DCLK1: variants seen among roughly 807,000 people sequenced by gnomAD.
DCLK1 encodes the protein doublecortin like kinase 1, also known as serine/threonine-protein kinase DCLK1.
DCLK1 carries 16 observed loss-of-function variants against 86.2 expected under a neutral mutation model. The observed-to-expected ratio is 0.19, with a 90% CI of 0.13 to 0.28. The LOEUF (loss-of-function observed/expected upper bound fraction) is 0.28, where lower values mean the gene tolerates loss of function less well. DCLK1 is among the 10% of genes least tolerant of loss of function. The probability of loss-of-function intolerance (pLI) is 1.00; values close to 1 mark genes in which losing one functional copy is unlikely to be tolerated. For missense variants in DCLK1, 590 were observed against 940.2 expected (o/e 0.63, Z 4.87); for synonymous variants, 369 against 370.5 (o/e 1.00, Z 0.05).
chr13:35,887,126 C>T (rs1051542893), intron 4 of DCLK1, among the ~76,000 whole-genome samples: 2 of 152,228 alleles, frequency 1.3e-5, no homozygotes, highest in African/African-American at 4.8e-5. Flanking sequence ...AATCCAGCTA[C>T]CTACAGTTGT....
intron 4 of DCLK1, among the ~76,000 whole-genome samples, chr13:35,911,456 T>C (rs1443999394): frequency 6.6e-6 from 1 of 152,092 alleles, no homozygotes; most frequent in Non-Finnish European, 1.5e-5. Context: ...AGATCTCCTG[T>C]TAGAGAGAAG....
intron 4 of DCLK1, among the ~76,000 whole-genome samples, chr13:35,937,639 A>G (rs1005738123): frequency 6.6e-6 from 1 of 152,094 alleles, no homozygotes; most frequent in Non-Finnish European, 1.5e-5. Flanking sequence ...GACCAGAAAA[A>G]TCTTGGGATT....
At chr13:36,035,979 A>G (rs1220837568) in intron 3 of DCLK1, among the ~76,000 whole-genome samples, 2 of 152,102 alleles carry the variant, frequency 1.3e-5, no homozygotes, top group Non-Finnish European at 2.9e-5. Flanking sequence ...TTGAGCTAGG[A>G]GGAGGGACTA....
intron 4 of DCLK1, among the ~76,000 whole-genome samples, chr13:35,934,341 A>G (rs1708037661): frequency 6.6e-6 from 1 of 152,154 alleles, no homozygotes; most frequent in South Asian, 2.1e-4. Context: ...AATTTACTGT[A>G]TTAGTCTGTT....
chr13:35,794,128 G>C (rs1926458), intron 15 of DCLK1, among the ~76,000 whole-genome samples: 16,424 of 152,186 alleles, frequency 0.11, 1,566 homozygotes, highest in African/African-American at 0.25. Context: ...TATGACTGAG[G>C]CTGGACACAT....
chr13:36,030,256 G>A (rs1242351972), intron 3 of DCLK1, among the ~76,000 whole-genome samples: 1 of 152,104 alleles, frequency 6.6e-6, no homozygotes, highest in Non-Finnish European at 1.5e-5. Context: ...ACATTCAAGA[G>A]TGATTAGCTA....
chr13:35,831,638 A>G (rs1868973464), intron 8 of DCLK1, among the ~76,000 whole-genome samples: 1 of 152,006 alleles, frequency 6.6e-6, no homozygotes, highest in Admixed American at 6.6e-5. Flanking sequence ...GACCTGACTG[A>G]TTACTGGTGA....
intron 12 of DCLK1, among the ~76,000 whole-genome samples, 177 bp from the exon 13 acceptor site, chr13:35,809,272 A>T (rs1057378369): frequency 2.0e-5 from 3 of 152,224 alleles, no homozygotes; most frequent in Non-Finnish European, 2.9e-5. Flanking sequence ...GAAAAAGTTT[A>T]AAAAATAATA....
At chr13:35,821,743 C>T (rs935992575) in intron 11 of DCLK1, among the ~76,000 whole-genome samples, 4 of 150,908 alleles carry the variant, frequency 2.7e-5, no homozygotes, top group Admixed American at 6.6e-5. Flanking sequence ...CCTGAAGAGC[C>T]AGCAACATTT....
intron 3 of DCLK1, among the ~76,000 whole-genome samples, chr13:35,973,327 C>T (rs940928593): frequency 7.2e-5 from 11 of 152,168 alleles, no homozygotes; most frequent in Admixed American, 6.5e-4. Context: ...TAGGCTTTTG[C>T]CCCTCCTGGG....
At chr13:35,849,332 T>C in intron 6 of DCLK1, 6 of 985,142 alleles carry the variant, frequency 6.1e-6, no homozygotes, top group Non-Finnish European at 7.2e-6. Flanking sequence ...GAATAAAACA[T>C]TTAAAAATTG....
chr13:36,031,755 G>A (rs1203599854), intron 3 of DCLK1, among the ~76,000 whole-genome samples: 1 of 152,176 alleles, frequency 6.6e-6, no homozygotes, highest in Admixed American at 6.5e-5. Flanking sequence ...TCCCCTATGC[G>A]ATTTGTTGTG....
At chr13:36,003,395 TG>T in intron 3 of DCLK1, among the ~76,000 whole-genome samples, 1 of 152,350 alleles carries the variant, frequency 6.6e-6, no homozygotes, top group South Asian at 2.1e-4. Flanking sequence ...TATACACTAC[TG>T]GAGAAATATA....
chr13:36,093,058 A>C (rs1393756329), intron 3 of DCLK1, among the ~76,000 whole-genome samples: 1 of 152,230 alleles, frequency 6.6e-6, no homozygotes, highest in Non-Finnish European at 1.5e-5. Context: ...AATAATAACA[A>C]TACTTCAAAA....
chr13:35,989,298 T>G (rs572617491), intron 3 of DCLK1, among the ~76,000 whole-genome samples: 1 of 152,140 alleles, frequency 6.6e-6, no homozygotes, highest in East Asian at 1.9e-4. Context: ...CGAGACAGAG[T>G]TTTGCTCTTG....
intron 11 of DCLK1, among the ~76,000 whole-genome samples, chr13:35,817,532 A>T (rs1309320742): frequency 6.6e-6 from 1 of 152,182 alleles, no homozygotes; most frequent in Non-Finnish European, 1.5e-5. Context: ...TTGCCCACTA[A>T]TATCTTCTCT....
intron 8 of DCLK1, among the ~76,000 whole-genome samples, chr13:35,829,021 C>G (rs1232432113): frequency 2.6e-5 from 4 of 152,032 alleles, no homozygotes; most frequent in Admixed American, 2.0e-4. Flanking sequence ...TCCCTGGGGA[C>G]CCCTGGGCCC....
At chr13:35,860,325 G>T (rs1871309727) in intron 5 of DCLK1, among the ~76,000 whole-genome samples, 1 of 151,608 alleles carries the variant, frequency 6.6e-6, no homozygotes, top group South Asian at 2.1e-4. Flanking sequence ...GGGGTGGGGG[G>T]TGCATAGGGA....
rs539867248 is a variant in DCLK1 at position 36,042,585 on chromosome 13, A to G, written c.723+69284T>C. On this transcript the variant is annotated intron_variant, in intron 3 of 16. Coordinates refer to ENST00000360631, the MANE Select transcript of DCLK1 (RefSeq NM_001330071.2). Reference sequence around the variant, plus strand: ...ATGTTCAAATAACAATATTATGATCAGGGCTTCCAAAGGGTACAAACAGCT... The same window carrying G: ...ATGTTCAAATAACAATATTATGATCGGGGCTTCCAAAGGGTACAAACAGCT... Among the ~76,000 whole-genome samples the G allele has an allele frequency of 2.6e-5, 4 of 152,324 alleles. No individual in the cohort carries two copies. In the South Asian group the frequency reaches 8.3e-4, roughly 32 times the overall value.
Sources: allele counts gnomAD v4.1 joint callset (sites outside exome capture counted in the v4.1 genomes callset), GRCh38; gene constraint gnomAD v4.1.1; transcripts MANE v1.5; gene names NCBI Gene and HGNC (gene_info 2026-07-23, HGNC 2026-07-21).